SPIRE2: variants seen among roughly 807,000 people sequenced by gnomAD.
SPIRE2 encodes spire type actin nucleation factor 2, also known as protein spire homolog 2.
In SPIRE2, 76 loss-of-function variants were observed where a neutral mutation model predicts 80.7. That is an observed-to-expected ratio of 0.94 (90% confidence interval 0.78 to 1.14). The LOEUF (loss-of-function observed/expected upper bound fraction) is 1.14, where lower values mean the gene tolerates loss of function less well. Ranked by LOEUF, SPIRE2 falls within the 50% of genes most tolerant of loss-of-function variation. The probability of loss-of-function intolerance (pLI) is 0.00; values close to 1 mark genes in which losing one functional copy is unlikely to be tolerated. For missense variants in SPIRE2, 1,196 were observed against 1,015.3 expected, an observed-to-expected ratio of 1.18 and a Z score of -2.42; for synonymous variants, 535 against 432.6, an observed-to-expected ratio of 1.24 and a Z score of -2.94.
At chr16:89,864,755 C>A (rs1214743365) in intron 12 of SPIRE2, among the ~76,000 whole-genome samples, 1 of 152,106 alleles carries the variant, frequency 6.6e-6, no homozygotes, top group African/African-American at 2.4e-5. Flanking sequence ...AAAGCAAGAC[C>A]TGAAAGGATC....
chr16:89,839,303 G>A (rs970240379), intron 1 of SPIRE2, among the ~76,000 whole-genome samples: 16 of 151,844 alleles, frequency 1.1e-4, no homozygotes, highest in Non-Finnish European at 2.1e-4. Context: ...GAACCCAGGA[G>A]GCAGAGATTG....
chr16:89,868,758 G>C (rs1248844381), intron 13 of SPIRE2, among the ~76,000 whole-genome samples: 1 of 152,044 alleles, frequency 6.6e-6, no homozygotes, highest in Non-Finnish European at 1.5e-5. Context: ...AGGAGGCTGA[G>C]GCATGAGAAT....
rs761174523 is a variant in SPIRE2, at chr16:89,858,484, A to G, written c.1249A>G (p.Met417Val). The G allele has an allele frequency of 1.9e-6, 3 of 1,603,620 alleles. No individual in the cohort carries two copies. Among genetic ancestry groups the G allele is most frequent in the Non-Finnish European group, 1.7e-6 (2 of 1,176,202 alleles). Reference protein sequence around the residue: ...VLLKAPTLAEMEEMNTSEEEE... With the variant: ...VLLKAPTLAEVEEMNTSEEEE... ...GCTCAAGGCGCCTACCTTGGCTGAA[A>G]TGGAAGAGATGAATACATCTGAGGT... Residue 417 changes from methionine (M) to valine (V), a missense_variant, in exon 8 of 15, where the codon ATG becomes GTG. By Grantham distance (21) the Met-to-Val change is conservative. Transcript: ENST00000378247.
At chr16:89,842,367 C>T (rs961655677) in intron 1 of SPIRE2, among the ~76,000 whole-genome samples, 2 of 151,906 alleles carry the variant, frequency 1.3e-5, no homozygotes, top group African/African-American at 4.8e-5. Flanking sequence ...CATGTGCCAC[C>T]ATGCCCAGCT....
chr16:89,842,550 C>G (rs559156035), intron 1 of SPIRE2, among the ~76,000 whole-genome samples: 10 of 152,112 alleles, frequency 6.6e-5, no homozygotes, highest in African/African-American at 2.4e-4. Flanking sequence ...TTTTGTTAAC[C>G]TATGGAGTAT....
At position 89,860,739 on chromosome 16, in the gene SPIRE2, T is replaced by G. The variant is rs759424021; in HGVS notation, c.1519T>G (p.Ser507Ala). ...PSHPLLSNRG[S>A]SGDRPEASMT... The stretch of plus-strand genomic sequence containing the variant: ...CCACCCCCTACTCAGCAACCGGGGC[T>G]CCTCGGGGGACAGACCCGAGGCCTC... The change falls in exon 10 of 15, where the codon TCC becomes GCC. Residue 507 changes from serine (S) to alanine (A), a missense_variant. By Grantham distance (99) the Ser-to-Ala change is moderately conservative. Coordinates refer to ENST00000378247, the MANE Select transcript of SPIRE2 (RefSeq NM_032451.2). 6.3e-7 allele frequency: 1 copy of G among 1,587,240 alleles called. No individual in the cohort carries two copies. The highest frequency in any genetic ancestry group is 8.6e-7 in the Non-Finnish European group (1 of 1,167,664).
chr16:89,858,365 A>G lies in SPIRE2; in HGVS notation c.1130A>G (p.Asn377Ser), dbSNP rs200940634. ...RGFGSLPCIL[N>S]ACSGDAKSTS... ...TTTGGCTCTCTGCCCTGCATCCTCA[A>G]CGCCTGCTCCGGAGATGCCAAGTCC... is the stretch of plus-strand genomic sequence containing the variant. The change falls in exon 8 of 15, where the codon AAC becomes AGC. Residue 377 changes from asparagine (N) to serine (S), a missense_variant. Asn to Ser is a conservative substitution (Grantham distance 46). Transcript: ENST00000378247. 6 of 1,609,340 alleles carry G rather than the reference A, an allele frequency of 3.7e-6. No homozygotes were observed. The highest frequency in any genetic ancestry group is 5.1e-6 in the Non-Finnish European group (6 of 1,178,422).
At chr16:89,861,262 C>G (rs1476467515) in intron 10 of SPIRE2, among the ~76,000 whole-genome samples, 1 of 152,152 alleles carries the variant, frequency 6.6e-6, no homozygotes, top group African/African-American at 2.4e-5. Context: ...GACCTGAGTT[C>G]TGGTGCAGGA....
At chr16:89,858,578 C>G in intron 8 of SPIRE2, 71 bp downstream of exon 8, 2 of 1,419,150 alleles carry the variant, frequency 1.4e-6, no homozygotes, top group Non-Finnish European at 9.3e-7. Context: ...GTGAGAAGGG[C>G]TAAGCTAAGC....
At chr16:89,830,010 G>A (rs1211405282) in intron 1 of SPIRE2, among the ~76,000 whole-genome samples, 3 of 151,284 alleles carry the variant, frequency 2.0e-5, no homozygotes, top group Non-Finnish European at 3.0e-5. Context: ...GTGCAGAGCA[G>A]GAGGAGGCTG....
At chr16:89,860,931 G>A (rs969386906) in intron 10 of SPIRE2, 136 bp downstream of exon 10, 12 of 568,380 alleles carry the variant, frequency 2.1e-5, no homozygotes, top group African/African-American at 1.9e-4. Flanking sequence ...GTCTGGGGGG[G>A]CGCGGTCTGA....
intron 12 of SPIRE2, among the ~76,000 whole-genome samples, chr16:89,867,333 C>T (rs945564290): frequency 4.0e-5 from 6 of 151,826 alleles, no homozygotes; most frequent in African/African-American, 9.7e-5. Context: ...TTAGTAGAGA[C>T]GGGGTTTCAC....
intron 13 of SPIRE2, among the ~76,000 whole-genome samples, chr16:89,868,565 A>T (rs963492348): frequency 3.9e-5 from 6 of 152,132 alleles, no homozygotes; most frequent in Non-Finnish European, 8.8e-5. Context: ...AGGGATCCTA[A>T]CATTTAAAAG....
intron 2 of SPIRE2, 194 bp downstream of exon 2, chr16:89,845,559 C>A: frequency 1.4e-6 from 1 of 714,722 alleles, no homozygotes; most frequent in Non-Finnish European, 2.5e-6. Context: ...AGGAGACCGC[C>A]GGGGTGGGGA....
Position 89,850,575 on chromosome 16 carries a change from C to T in SPIRE2, c.560C>T (p.Ala187Val), listed in dbSNP as rs1354689103. Residue 187 changes from alanine to valine, a missense_variant, in exon 3 of 15, where the codon GCG (alanine) becomes GTG (valine). By Grantham distance (64) the Ala-to-Val change is moderately conservative (BLOSUM62 0). Coordinates refer to ENST00000378247, the MANE Select transcript of SPIRE2 (RefSeq NM_032451.2). ...CTGACCGACCCCCGGGGCGCACAGG[C>T]GCATTACCAGGCCGTGTGCCGCGCG... is the stretch of plus-strand genomic sequence containing the variant. ...ARLTDPRGAQ[A>V]HYQAVCRALF... 2.6e-6 allele frequency: 4 copies of T among 1,517,106 alleles called. No homozygotes were observed. The highest frequency in any genetic ancestry group is 2.5e-5 in the East Asian group (1 of 40,604). The allele number at this position is 1,517,106 out of a possible 1,614,324, so 94.0% of individuals were successfully genotyped here. A position where few individuals can be genotyped will look rare whatever the true frequency, so the allele number is the denominator to read the frequency against.
At chr16:89,855,867 G>A in intron 6 of SPIRE2, 181 bp downstream of exon 6, 2 of 887,036 alleles carry the variant, frequency 2.3e-6, no homozygotes, top group Non-Finnish European at 3.4e-6. Context: ...GGGGCTGTGT[G>A]GCCCTGGGCC....
At chr16:89,838,333 C>A (rs961820728) in intron 1 of SPIRE2, among the ~76,000 whole-genome samples, 3 of 152,156 alleles carry the variant, frequency 2.0e-5, no homozygotes, top group Non-Finnish European at 4.4e-5. Flanking sequence ...CAGGAACCCA[C>A]CACCATGCCC....
chr16:89,865,315 C>T (rs976157636), intron 12 of SPIRE2, among the ~76,000 whole-genome samples: 1 of 152,100 alleles, frequency 6.6e-6, no homozygotes, highest in Non-Finnish European at 1.5e-5. Flanking sequence ...CAGAAGTATA[C>T]TATTTTAAGG....
rs1364645558 is a variant in SPIRE2, at chr16:89,850,520, G to T, written c.505G>T (p.Ala169Ser). 3.3e-6 allele frequency: 5 copies of T among 1,524,014 alleles called. No individual in the cohort carries two copies. Among genetic ancestry groups the T allele is most frequent in the Non-Finnish European group, 4.4e-6 (5 of 1,139,918 alleles). 94.4% of individuals were successfully genotyped at this position (1,524,014 alleles called of 1,614,324 possible). ...EGVPRSVRTFAQAMRLCAARL... is the reference protein window; with the variant it reads ...EGVPRSVRTFSQAMRLCAARL... ...CGTCCCCCGCAGCGTGCGCACCTTT[G>T]CCCAGGCCATGCGGCTGTGCGCGGC... is the stretch of plus-strand genomic sequence containing the variant. The change falls in exon 3 of 15, where the codon GCC (alanine) becomes TCC (serine). Residue 169 changes from alanine to serine, a missense_variant. Physicochemically the swap from Ala to Ser is moderately conservative, Grantham distance 99. Transcript: ENST00000378247.
Sources: allele counts gnomAD v4.1 joint callset (sites outside exome capture counted in the v4.1 genomes callset), GRCh38; gene constraint gnomAD v4.1.1; transcripts MANE v1.5; gene names NCBI Gene and HGNC (gene_info 2026-07-23, HGNC 2026-07-21).